The following DNM3 variants were observed in gnomAD, a reference collection of about 807,000 sequenced individuals.
DNM3 encodes the protein dynamin 3, also known as dynamin-3.
DNM3 carries 47 observed loss-of-function variants against 101.6 expected under a neutral mutation model. The ratio of observed to expected loss-of-function variants is 0.46; its 90% CI spans 0.37 to 0.59. DNM3 has a LOEUF of 0.59. DNM3 is among the 20% of genes least tolerant of loss of function. The pLI, the probability that DNM3 is intolerant of heterozygous loss-of-function variation, is 0.00. For synonymous variants in DNM3, 385 were observed against 387.9 expected (o/e 0.99, Z 0.09); for missense variants, 849 against 1,085.7 (o/e 0.78, Z 3.06).
intron 4 of DNM3, among the ~76,000 whole-genome samples, chr1:172,025,043 A>C (rs2048101882): frequency 6.6e-6 from 1 of 152,228 alleles, no homozygotes; most frequent in Non-Finnish European, 1.5e-5. Flanking sequence ...GCAAGCTAAG[A>C]TCCACTGGCT....
intron 13 of DNM3, among the ~76,000 whole-genome samples, chr1:172,123,347 G>T (rs970224320): frequency 3.3e-5 from 5 of 152,034 alleles, no homozygotes; most frequent in Non-Finnish European, 7.4e-5. Flanking sequence ...CATCAGATGT[G>T]AAAATCTATT....
chr1:172,363,989 C>T (rs2067879039), intron 17 of DNM3, among the ~76,000 whole-genome samples: 1 of 151,890 alleles, frequency 6.6e-6, no homozygotes, highest in Non-Finnish European at 1.5e-5. Context: ...ACTCTTCTCT[C>T]TTGAAAGGCT....
intron 18 of DNM3, among the ~76,000 whole-genome samples, chr1:172,384,269 C>T (rs1325373544): frequency 2.0e-5 from 3 of 152,126 alleles, no homozygotes; most frequent in Non-Finnish European, 4.4e-5. Flanking sequence ...TTAACTATGT[C>T]GCTTGATACC....
Position 172,378,894 on chromosome 1 carries a change from T to G in DNM3, c.1894-124T>G, listed in dbSNP as rs2149055772. 4 of 1,102,796 alleles carry G rather than the reference T, an allele frequency of 3.6e-6. No homozygotes were observed. In the South Asian group the frequency reaches 7.5e-5, roughly 21 times the overall value. The allele number at this position is 1,102,796 out of a possible 1,614,324, so 68.3% of individuals were successfully genotyped here. Reference sequence around the variant, plus strand: ...CCAGTGGATGCATAAGATAAAAATGTTACCATCTACTGATATAAACTCCAA... The same window carrying G: ...CCAGTGGATGCATAAGATAAAAATGGTACCATCTACTGATATAAACTCCAA... On this transcript the variant is annotated intron_variant, in intron 17 of 20. Transcript: ENST00000627582.
chr1:172,044,707 T>C (rs918831943), intron 9 of DNM3, among the ~76,000 whole-genome samples: 1 of 152,160 alleles, frequency 6.6e-6, no homozygotes, highest in Admixed American at 6.6e-5. Flanking sequence ...ATTCGCAGAT[T>C]AGCAAGACCC....
At chr1:172,250,313 G>C (rs1354746531) in intron 14 of DNM3, among the ~76,000 whole-genome samples, 1 of 152,082 alleles carries the variant, frequency 6.6e-6, no homozygotes, top group African/African-American at 2.4e-5. Context: ...GATGTATTTG[G>C]AAAAGATGTA....
intron 2 of DNM3, among the ~76,000 whole-genome samples, chr1:171,972,605 T>G (rs530256645): frequency 2.0e-5 from 3 of 152,214 alleles, no homozygotes; most frequent in Non-Finnish European, 4.4e-5. Flanking sequence ...ATCCCAGCAC[T>G]TTGAGAGGCC....
intron 1 of DNM3, among the ~76,000 whole-genome samples, chr1:171,852,960 TA>T (rs1183000383): frequency 6.6e-6 from 1 of 152,030 alleles, no homozygotes; most frequent in East Asian, 1.9e-4. Context: ...AACCTGGCTT[TA>T]AAAAAATGTG....
chr1:172,141,866 T>C (rs757588687), intron 14 of DNM3, among the ~76,000 whole-genome samples: 8 of 152,062 alleles, frequency 5.3e-5, no homozygotes, highest in Non-Finnish European at 8.8e-5. Flanking sequence ...ATCTGTGGCC[T>C]AAAAGAAAAA....
intron 15 of DNM3, among the ~76,000 whole-genome samples, chr1:172,282,922 G>T (rs774031726): frequency 1.3e-5 from 2 of 152,218 alleles, no homozygotes; most frequent in Non-Finnish European, 2.9e-5. Flanking sequence ...TTTACCTTTG[G>T]GTGGGACATA....
chr1:172,212,559 C>G (rs983887637), intron 14 of DNM3, among the ~76,000 whole-genome samples: 12 of 152,118 alleles, frequency 7.9e-5, no homozygotes, highest in Non-Finnish European at 1.5e-4. Flanking sequence ...GAGCTTTTCA[C>G]ATTTCTTAAT....
intron 1 of DNM3, chr1:171,864,737 TA>T (rs1156878068): frequency 6.6e-6 from 1 of 152,222 alleles, no homozygotes; most frequent in African/African-American, 2.4e-5. Context: ...ATTCCCTCCT[TA>T]AAAATTTTTA....
chr1:172,351,193 T>A (rs1357480752), intron 17 of DNM3, among the ~76,000 whole-genome samples: 3 of 152,120 alleles, frequency 2.0e-5, no homozygotes, highest in Non-Finnish European at 4.4e-5. Context: ...ATTAAAAAAA[T>A]TTAGATATTA....
chr1:172,279,460 C>G (rs2063405884), intron 15 of DNM3, among the ~76,000 whole-genome samples: 1 of 152,112 alleles, frequency 6.6e-6, no homozygotes, highest in South Asian at 2.1e-4. Context: ...TCCTGAACAC[C>G]TTAGTCACGA....
At chr1:172,054,852 A>C (rs1326795147) in intron 10 of DNM3, among the ~76,000 whole-genome samples, 2 of 152,064 alleles carry the variant, frequency 1.3e-5, no homozygotes, top group Non-Finnish European at 2.9e-5. Flanking sequence ...TCAGCTACTC[A>C]GGAGGCTGAG....
chr1:171,969,364 C>G (rs2125538734), intron 2 of DNM3, among the ~76,000 whole-genome samples: 1 of 152,228 alleles, frequency 6.6e-6, no homozygotes, highest in South Asian at 2.1e-4. Context: ...GCACAAAGAA[C>G]AATGATAAAT....
At chr1:171,879,200 A>G (rs1355017278) in intron 1 of DNM3, among the ~76,000 whole-genome samples, 3 of 152,214 alleles carry the variant, frequency 2.0e-5, no homozygotes, top group Non-Finnish European at 4.4e-5. Context: ...TAGTTGTTCA[A>G]AGAAGCAAGG....
downstream of DNM3, chr1:172,415,191 A>G (rs2071385394): frequency 6.6e-6 from 1 of 152,292 alleles, no homozygotes; most frequent in African/African-American, 2.4e-5. Flanking sequence ...ACTCTTAAGG[A>G]GGAAAGTCAC....
intron 10 of DNM3, among the ~76,000 whole-genome samples, chr1:172,058,747 A>G (rs1421239756): frequency 6.6e-6 from 1 of 151,642 alleles, no homozygotes; most frequent in East Asian, 2.0e-4. Context: ...AAAGCAGGAA[A>G]GATCCAAAAT....
Sources: allele counts gnomAD v4.1 joint callset (sites outside exome capture counted in the v4.1 genomes callset), GRCh38; gene constraint gnomAD v4.1.1; transcripts MANE v1.5; gene names NCBI Gene and HGNC (gene_info 2026-07-23, HGNC 2026-07-21).